GPC6: variants seen among roughly 807,000 people sequenced by gnomAD.
GPC6 encodes glypican-6.
In GPC6, 14 loss-of-function variants were observed where a neutral mutation model predicts 55.2. The ratio of observed to expected loss-of-function variants is 0.25; its 90% CI spans 0.17 to 0.40. GPC6 has a LOEUF of 0.40. GPC6 is among the 10% of genes least tolerant of loss of function. GPC6 has a pLI of 1.00. For synonymous variants in GPC6, 278 were observed against 259.6 expected (o/e 1.07, Z -0.68); for missense variants, 641 against 708.5 (o/e 0.90, Z 1.08).
intron 4 of GPC6, among the ~76,000 whole-genome samples, chr13:94,053,217 C>T (rs1536777): frequency 0.033 from 5,091 of 152,098 alleles, 245 homozygotes; most frequent in South Asian, 0.097. Context: ...TCGGGGGATA[C>T]GTGATGAAAG....
chr13:93,988,845 A>G (rs566506595), intron 3 of GPC6, among the ~76,000 whole-genome samples: 1 of 152,222 alleles, frequency 6.6e-6, no homozygotes, highest in Non-Finnish European at 1.5e-5. Flanking sequence ...ACATATAGGG[A>G]AACATATAAA....
intron 2 of GPC6, among the ~76,000 whole-genome samples, chr13:93,798,839 A>T (rs1056759163): frequency 6.8e-6 from 1 of 147,986 alleles, no homozygotes; most frequent in Non-Finnish European, 1.5e-5. Flanking sequence ...GAATCGCTTG[A>T]ACCCAGGAGG....
intron 2 of GPC6, among the ~76,000 whole-genome samples, chr13:93,566,546 T>TG (rs34811093): frequency 0.56 from 84,841 of 150,238 alleles, 25,972 homozygotes; most frequent in Non-Finnish European, 0.69. Context: ...TTTTTTTGCT[T>TG]GTTTTTTTTT....
intron 1 of GPC6, among the ~76,000 whole-genome samples, chr13:93,287,544 TATC>T (rs1348287250): frequency 1.3e-5 from 2 of 152,230 alleles, no homozygotes; most frequent in Non-Finnish European, 2.9e-5. Flanking sequence ...TTGAAGAACT[TATC>T]ATCACTTCAA....
chr13:94,401,160 A>G (rs958371441), intron 8 of GPC6, among the ~76,000 whole-genome samples: 1 of 152,156 alleles, frequency 6.6e-6, no homozygotes, highest in African/African-American at 2.4e-5. Flanking sequence ...AAGCACATTT[A>G]TTTATTCAGC....
At chr13:93,247,912 A>G (rs1876657899) in intron 1 of GPC6, among the ~76,000 whole-genome samples, 1 of 152,226 alleles carries the variant, frequency 6.6e-6, no homozygotes, top group South Asian at 2.1e-4. Flanking sequence ...CTTAAATTTC[A>G]GTTAAAACAA....
intron 3 of GPC6, among the ~76,000 whole-genome samples, chr13:94,027,317 C>A (rs1323656087): frequency 6.6e-6 from 1 of 152,080 alleles, no homozygotes; most frequent in Non-Finnish European, 1.5e-5. Context: ...ACGTTATGTA[C>A]AAAGGAAATA....
At chr13:93,250,072 C>T (rs1463551051) in intron 1 of GPC6, among the ~76,000 whole-genome samples, 2 of 152,166 alleles carry the variant, frequency 1.3e-5, no homozygotes, top group Non-Finnish European at 2.9e-5. Flanking sequence ...TGACTCCTGG[C>T]TCCTCTACTT....
At chr13:93,238,853 A>G (rs1441642041) in intron 1 of GPC6, among the ~76,000 whole-genome samples, 1 of 151,966 alleles carries the variant, frequency 6.6e-6, no homozygotes, top group Non-Finnish European at 1.5e-5. Context: ...ATGACCATAT[A>G]GCTTTTGTTA....
chr13:93,947,297 T>A (rs114054053), intron 3 of GPC6, among the ~76,000 whole-genome samples: 5,329 of 152,236 alleles, frequency 0.035, 105 homozygotes, highest in Middle Eastern at 0.061. Flanking sequence ...AGCATGAAAG[T>A]GTTGGTCCCT....
In GPC6 at chr13:94,143,130, G is replaced by T. The variant is rs376274456; in HGVS notation, c.877+115236G>T. ...GTGAGCCACCATGCCCAGCCAGATGGCTGGCTACCTTTTAATGAAAAAAAA... is the reference window on the plus strand; with the variant it reads ...GTGAGCCACCATGCCCAGCCAGATGTCTGGCTACCTTTTAATGAAAAAAAA... On this transcript the variant is annotated intron_variant, in intron 4 of 8. Transcript: ENST00000377047. Among the ~76,000 whole-genome samples the T allele has an allele frequency of 7.7e-4, 78 of 101,438 alleles. 3 individuals carry two copies. The highest frequency in any genetic ancestry group is 2.1e-3 in the African/African-American group (70 of 33,618). 66.5% of individuals were successfully genotyped at this position (101,438 alleles called of 152,430 possible). A position where few individuals can be genotyped will look rare whatever the true frequency, so the allele number is the denominator to read the frequency against.
chr13:93,946,650 G>A (rs1281544271), intron 3 of GPC6, among the ~76,000 whole-genome samples: 6 of 152,090 alleles, frequency 3.9e-5, no homozygotes, highest in African/African-American at 1.4e-4. Flanking sequence ...ACTTTGTACA[G>A]GCCAAGGCCT....
At chr13:94,262,825 ATC>A (rs1213122082) in intron 4 of GPC6, among the ~76,000 whole-genome samples, 3 of 152,194 alleles carry the variant, frequency 2.0e-5, no homozygotes, top group Admixed American at 1.3e-4. Context: ...ATTTAATCAC[ATC>A]TCTTTTTCAT....
At chr13:93,583,681 G>A (rs911539593) in intron 2 of GPC6, among the ~76,000 whole-genome samples, 50 of 152,190 alleles carry the variant, frequency 3.3e-4, no homozygotes, top group Admixed American at 1.4e-3. Context: ...CTCCCAAAGT[G>A]CTGGGATTAC....
chr13:93,960,562 G>A (rs895159970), intron 3 of GPC6, among the ~76,000 whole-genome samples: 1 of 152,166 alleles, frequency 6.6e-6, no homozygotes. Context: ...AACAAAAATG[G>A]CAGCCAGGGT....
At chr13:94,324,601 A>C (rs9516390) in intron 6 of GPC6, among the ~76,000 whole-genome samples, 2,675 of 152,226 alleles carry the variant, frequency 0.018, 39 homozygotes, top group East Asian at 0.067. Flanking sequence ...TTTTAAAAGA[A>C]TAAGAGAAAC....
rs560459161 is a variant in GPC6, at chr13:93,872,715, T to C, written c.711+42170T>C. Among the ~76,000 whole-genome samples, 5 of 152,044 alleles carry C rather than the reference T, an allele frequency of 3.3e-5. No homozygotes were observed. The South Asian group carries it at 6.2e-4, about 19-fold the overall frequency. On this transcript the variant is annotated intron_variant, in intron 3 of 8. Coordinates refer to ENST00000377047, the MANE Select transcript of GPC6 (RefSeq NM_005708.5). ...AATGTCCTCATCTCAGGATCCTTAATTTTTTCACCTCTGCAAAATCCTTTT... is the reference window on the plus strand; with the variant it reads ...AATGTCCTCATCTCAGGATCCTTAACTTTTTCACCTCTGCAAAATCCTTTT...
intron 2 of GPC6, among the ~76,000 whole-genome samples, chr13:93,740,612 T>C (rs1884168171): frequency 6.6e-6 from 1 of 152,212 alleles, no homozygotes; most frequent in Non-Finnish European, 1.5e-5. Flanking sequence ...TGCTAAACAA[T>C]GCAAATATTT....
At chr13:93,433,502 A>T (rs534637209) in intron 1 of GPC6, among the ~76,000 whole-genome samples, 18 of 152,342 alleles carry the variant, frequency 1.2e-4, no homozygotes, top group African/African-American at 4.3e-4. Flanking sequence ...TAACCAATTT[A>T]CCTGTCTTTT....
Sources: allele counts gnomAD v4.1 joint callset (sites outside exome capture counted in the v4.1 genomes callset), GRCh38; gene constraint gnomAD v4.1.1; transcripts MANE v1.5; gene names NCBI Gene and HGNC (gene_info 2026-07-23, HGNC 2026-07-21).